The following SIPA1L1 variants were observed in gnomAD, a reference collection of about 807,000 sequenced individuals.
SIPA1L1 encodes the protein signal-induced proliferation-associated 1-like protein 1.
Under a neutral mutation model 162.7 loss-of-function variants are expected in SIPA1L1, and 26 were observed. That is an observed-to-expected ratio of 0.16 (90% CI 0.12 to 0.22). The LOEUF (loss-of-function observed/expected upper bound fraction) is 0.22, where lower values mean the gene tolerates loss of function less well. Ranked by LOEUF, SIPA1L1 falls within the 10% of genes least tolerant of loss-of-function variation. The pLI is 1.00. For missense variants in SIPA1L1, 1,874 were observed against 2,241.0 expected (o/e 0.84, Z 3.31); for synonymous variants, 829 against 837.4 (o/e 0.99, Z 0.17).
At chr14:71,398,641 G>A (rs2041418747) in intron 2 of SIPA1L1, among the ~76,000 whole-genome samples, 1 of 152,188 alleles carries the variant, frequency 6.6e-6, no homozygotes, top group Admixed American at 6.5e-5. Context: ...TAGCACACAA[G>A]TTCATGGATG....
intron 2 of SIPA1L1, among the ~76,000 whole-genome samples, chr14:71,359,813 T>G (rs998226878): frequency 1.3e-5 from 2 of 152,230 alleles, no homozygotes; most frequent in African/African-American, 4.8e-5. Flanking sequence ...GTCATGAGAT[T>G]ATGCAGATAT....
intron 2 of SIPA1L1, among the ~76,000 whole-genome samples, chr14:71,410,940 G>A (rs576697296): frequency 2.0e-5 from 3 of 152,026 alleles, no homozygotes; most frequent in Non-Finnish European, 2.9e-5. Context: ...TCTTTGAGGC[G>A]ACTTAGATCC....
intron 4 of SIPA1L1, among the ~76,000 whole-genome samples, chr14:71,546,380 T>C (rs1462821259): frequency 7.0e-6 from 1 of 143,218 alleles, no homozygotes; most frequent in Non-Finnish European, 1.5e-5. Flanking sequence ...TTCTTTCTTT[T>C]TTTTTTTTTT....
chr14:71,351,053 G>GT (rs1441556829), intron 2 of SIPA1L1, among the ~76,000 whole-genome samples: 1 of 152,176 alleles, frequency 6.6e-6, no homozygotes, highest in East Asian at 1.9e-4. Context: ...AGTTAGAAAG[G>GT]TAAGGTAGTT....
intron 2 of SIPA1L1, among the ~76,000 whole-genome samples, chr14:71,508,730 T>G (rs2050874460): frequency 6.6e-6 from 1 of 152,256 alleles, no homozygotes; most frequent in Admixed American, 6.5e-5. Flanking sequence ...TATTATACTT[T>G]AAAAAACATA....
At chr14:71,700,293 A>G (rs1454336277) in intron 14 of SIPA1L1, among the ~76,000 whole-genome samples, 1 of 151,674 alleles carries the variant, frequency 6.6e-6, no homozygotes, top group Non-Finnish European at 1.5e-5. Flanking sequence ...TATACTTGAT[A>G]GGCTAAGGCA....
chr14:71,693,531 T>C (rs1041892953), intron 13 of SIPA1L1, among the ~76,000 whole-genome samples: 2 of 151,810 alleles, frequency 1.3e-5, no homozygotes, highest in Non-Finnish European at 2.9e-5. Context: ...CATGATCTAG[T>C]CTGAACAGCT....
At chr14:71,654,790 G>A (rs199742276) in intron 8 of SIPA1L1, among the ~76,000 whole-genome samples, 1 of 151,998 alleles carries the variant, frequency 6.6e-6, no homozygotes, top group African/African-American at 2.4e-5. Context: ...CAAGCACATT[G>A]TCCCTTTAGA....
At chr14:71,449,243 C>T (rs902461211) in intron 2 of SIPA1L1, among the ~76,000 whole-genome samples, 4 of 152,198 alleles carry the variant, frequency 2.6e-5, no homozygotes, top group Admixed American at 2.6e-4. Context: ...ATTAGTAAGA[C>T]TACCTTTCAA....
At chr14:71,471,988 T>C (rs2047496879) in intron 2 of SIPA1L1, among the ~76,000 whole-genome samples, 1 of 152,216 alleles carries the variant, frequency 6.6e-6, no homozygotes, top group Admixed American at 6.5e-5. Context: ...GTTCAGGGCC[T>C]CTTGTGTTTG....
chr14:71,702,250 T>C, intron 14 of SIPA1L1, 131 bp from the exon 15 acceptor site: 2 of 894,272 alleles, frequency 2.2e-6, no homozygotes, highest in Non-Finnish European at 3.6e-6. Flanking sequence ...AGGGTGTGTA[T>C]ACAAGTACAG....
intron 2 of SIPA1L1, among the ~76,000 whole-genome samples, chr14:71,406,050 G>T (rs1455638229): frequency 6.6e-6 from 1 of 152,174 alleles, no homozygotes; most frequent in African/African-American, 2.4e-5. Context: ...GATAACAATG[G>T]CTTCAACCAA....
chr14:71,332,369 G>C (rs548256887), intron 2 of SIPA1L1, among the ~76,000 whole-genome samples: 12 of 151,990 alleles, frequency 7.9e-5, no homozygotes, highest in African/African-American at 2.9e-4. Flanking sequence ...TCCTCTAGTT[G>C]GATTTTTCTT....
rs761834074 is a variant in SIPA1L1, at chr14:71,426,030, A to G, written c.-464-86713A>G. Among the ~76,000 whole-genome samples the G allele has an allele frequency of 1.2e-4, 18 of 152,024 alleles. No individual in the cohort carries two copies. The South Asian group carries it at 2.3e-3, about 19-fold the overall frequency. ...CCATCCTTGCTTTCTTTTGGTGACT[A>G]TTTGCACGAAATAATCGTTTTATTA... On this transcript the variant is annotated intron_variant, in intron 2 of 23. Transcript: ENST00000381232.
At chr14:71,536,753 G>A (rs1175519755) in intron 4 of SIPA1L1, among the ~76,000 whole-genome samples, 1 of 152,174 alleles carries the variant, frequency 6.6e-6, no homozygotes, top group Admixed American at 6.5e-5. Context: ...TAAATTAGGC[G>A]AATATTGCCA....
At chr14:71,618,417 A>G (rs1475337060) in intron 5 of SIPA1L1, among the ~76,000 whole-genome samples, 1 of 152,242 alleles carries the variant, frequency 6.6e-6, no homozygotes, top group Non-Finnish European at 1.5e-5. Flanking sequence ...CCCTGGCACA[A>G]GCCTTCTCTT....
chr14:71,580,115 G>A (rs1596251886), intron 4 of SIPA1L1, among the ~76,000 whole-genome samples: 1 of 152,324 alleles, frequency 6.6e-6, no homozygotes, highest in East Asian at 1.9e-4. Context: ...CTTATCTAAT[G>A]TAAATCTGAC....
chr14:71,406,935 T>A (rs1329001440), intron 2 of SIPA1L1, among the ~76,000 whole-genome samples: 2 of 152,134 alleles, frequency 1.3e-5, no homozygotes, highest in African/African-American at 4.8e-5. Context: ...ACCTGATCAC[T>A]TTTCATAAAG....
At chr14:71,726,788 G>C (rs187602699) in intron 19 of SIPA1L1, among the ~76,000 whole-genome samples, 10 of 152,182 alleles carry the variant, frequency 6.6e-5, no homozygotes, top group Admixed American at 1.3e-4. Flanking sequence ...GATGAGTTCA[G>C]CTTAGTAGCT....
Sources: allele counts gnomAD v4.1 joint callset (sites outside exome capture counted in the v4.1 genomes callset), GRCh38; gene constraint gnomAD v4.1.1; transcripts MANE v1.5; gene names NCBI Gene and HGNC (gene_info 2026-07-23, HGNC 2026-07-21).